The following SORBS2 variants were observed in gnomAD, a reference collection of about 807,000 sequenced individuals.
SORBS2 encodes the protein sorbin and SH3 domain-containing protein 2.
SORBS2 carries 46 observed loss-of-function variants against 97.7 expected under a neutral mutation model. The ratio of observed to expected loss-of-function variants is 0.47; its 90% CI spans 0.37 to 0.60. The LOEUF is 0.60. SORBS2 is among the 20% of genes least tolerant of loss of function. The probability of loss-of-function intolerance (pLI) is 0.00; values close to 1 mark genes in which losing one functional copy is unlikely to be tolerated. For missense variants in SORBS2, 1,316 were observed against 1,282.3 expected (o/e 1.03, Z -0.40); for synonymous variants, 476 against 473.4 (o/e 1.01, Z -0.07).
Position 185,707,843 on chromosome 4 carries a change from A to G in SORBS2, c.-197-29021T>C, listed in dbSNP as rs78470495. On this transcript the variant is annotated intron_variant, in intron 2 of 20. Coordinates refer to the SORBS2 transcript ENST00000284776. Reference sequence around the variant, plus strand: ...TATTCACTACCACAAGAACAGCACGAGAAAGACGCACCCCATGAGTCACTT... The same window carrying G: ...TATTCACTACCACAAGAACAGCACGGGAAAGACGCACCCCATGAGTCACTT... Among the ~76,000 whole-genome samples, 744 of 152,280 alleles carry G rather than the reference A, an allele frequency of 4.9e-3. 25 individuals carry two copies. Among genetic ancestry groups the G allele is most frequent in the East Asian group, 0.047 (241 of 5,168 alleles).
chr4:185,739,701 T>C lies in SORBS2; in HGVS notation c.-198+35526A>G, dbSNP rs1413712521. Among the ~76,000 whole-genome samples the C allele has an allele frequency of 5.3e-5, 8 of 152,304 alleles. No individual in the cohort carries two copies. In the South Asian group the frequency reaches 1.5e-3, roughly 28 times the overall value. The stretch of plus-strand genomic sequence containing the variant: ...TCTAAAAATGCAGGTTTACTTTATA[T>C]GGAGAGCACATTGCTATGAGGAGAT... On this transcript the variant is annotated intron_variant, in intron 2 of 20. Transcript: ENST00000284776.
At chr4:185,856,217 T>A (rs1255107236) in intron 1 of SORBS2, among the ~76,000 whole-genome samples, 4 of 152,150 alleles carry the variant, frequency 2.6e-5, no homozygotes, top group Non-Finnish European at 5.9e-5. Flanking sequence ...AGTAGAAAGA[T>A]CATGGGTTTC....
chr4:185,587,067 T>C (rs1561239680), exon 15 of SORBS2: 2 of 153,200 alleles, frequency 1.3e-5, no homozygotes, highest in South Asian at 2.1e-4. Context: ...TCACTGTGCA[T>C]ATTACAACAT....
intron 1 of SORBS2, among the ~76,000 whole-genome samples, chr4:185,953,238 C>G (rs1170804083): frequency 6.6e-6 from 1 of 152,214 alleles, no homozygotes; most frequent in African/African-American, 2.4e-5. Context: ...TGCTTGAACC[C>G]GGGAGGTGGA....
chr4:185,802,881 G>T (rs1233461001), intron 1 of SORBS2, among the ~76,000 whole-genome samples: 1 of 152,138 alleles, frequency 6.6e-6, no homozygotes, highest in Admixed American at 6.5e-5. Context: ...TCAACAAGAG[G>T]CCATTCTGTT....
chr4:185,598,706 C>A (rs528053718), intron 12 of SORBS2, among the ~76,000 whole-genome samples: 8 of 152,020 alleles, frequency 5.3e-5, no homozygotes, highest in Non-Finnish European at 8.8e-5. Context: ...CACCAGAATT[C>A]GATGAAATTC....
chr4:185,805,730 G>T (rs1419467346), intron 1 of SORBS2, among the ~76,000 whole-genome samples: 1 of 152,096 alleles, frequency 6.6e-6, no homozygotes, highest in Non-Finnish European at 1.5e-5. Context: ...TAAAAATTTT[G>T]AAACCTAGAT....
At chr4:185,816,745 T>C (rs2099193472) in intron 1 of SORBS2, among the ~76,000 whole-genome samples, 1 of 152,098 alleles carries the variant, frequency 6.6e-6, no homozygotes, top group African/African-American at 2.4e-5. Context: ...CCCAGCAGAG[T>C]TGAGGGTTTT....
intron 1 of SORBS2, among the ~76,000 whole-genome samples, chr4:185,940,262 A>G (rs771400845): frequency 6.6e-6 from 1 of 152,218 alleles, no homozygotes; most frequent in Non-Finnish European, 1.5e-5. Context: ...CCAAACTAGT[A>G]TGGTCAACAG....
chr4:185,630,638 G>T, intron 4 of SORBS2, 40 bp from the exon 17 acceptor site: 2 of 1,342,164 alleles, frequency 1.5e-6, no homozygotes, highest in Non-Finnish European at 2.1e-6. Context: ...AAATTTTACC[G>T]TGGCAAAATT....
At chr4:185,781,126 C>T (rs553170602) in intron 1 of SORBS2, among the ~76,000 whole-genome samples, 1 of 152,022 alleles carries the variant, frequency 6.6e-6, no homozygotes, top group Non-Finnish European at 1.5e-5. Flanking sequence ...TTAGTAGAGA[C>T]GGGTTTCACC....
At position 185,654,209 on chromosome 4, in the gene SORBS2, C is replaced by T. The variant is rs139558219; in HGVS notation, c.25-1481G>A. Among the ~76,000 whole-genome samples the T allele has an allele frequency of 2.2e-3, 330 of 152,204 alleles. 4 individuals are homozygous for T. Among genetic ancestry groups the T allele is most frequent in the African/African-American group, 7.6e-3 (315 of 41,500 alleles). On this transcript the variant is annotated intron_variant, in intron 1 of 14. Coordinates refer to ENST00000418609, the Ensembl canonical transcript of SORBS2. ...ATTGATTGACTATTCAGTCAAAGGA[C>T]GGGACATGGTGGAAGGGATTGCAGT...
intron 4 of SORBS2, among the ~76,000 whole-genome samples, chr4:185,641,546 A>ATG (rs1381282684): frequency 6.6e-6 from 1 of 150,682 alleles, no homozygotes; most frequent in African/African-American, 2.5e-5. Flanking sequence ...CAACAGATGG[A>ATG]TATACACACA....
rs1411156727 is a variant in SORBS2, at chr4:185,627,566, A to G, written c.447-547T>C. Reference sequence around the variant, plus strand: ...TTAGGCTTACAGAAATAATGACTGGAAAGTGTAGAGAGTTTCCTTATAGTC... The same window carrying G: ...TTAGGCTTACAGAAATAATGACTGGGAAGTGTAGAGAGTTTCCTTATAGTC... On this transcript the variant is annotated intron_variant, in intron 5 of 14. Coordinates refer to ENST00000418609, the Ensembl canonical transcript of SORBS2. Among the ~76,000 whole-genome samples, 5 of 152,172 alleles carry G rather than the reference A, an allele frequency of 3.3e-5. No individual in the cohort carries two copies. In the East Asian group the frequency reaches 7.7e-4, roughly 23 times the overall value.
intron 1 of SORBS2, among the ~76,000 whole-genome samples, chr4:185,941,878 G>A (rs1191135618): frequency 6.6e-6 from 1 of 152,130 alleles, no homozygotes; most frequent in Non-Finnish European, 1.5e-5. Flanking sequence ...TACTTTGGGA[G>A]GCCAAGGTGG....
intron 4 of SORBS2, chr4:185,645,938 G>A (rs950073670): frequency 6.6e-6 from 1 of 152,150 alleles, no homozygotes; most frequent in African/African-American, 2.4e-5. Context: ...CTTCGAGGAG[G>A]CAAGTGGTTC....
At chr4:185,694,706 C>CTTTTTTTTTT (rs1200094039) in intron 2 of SORBS2, among the ~76,000 whole-genome samples, 1,244 of 123,832 alleles carry the variant, frequency 0.01, 124 homozygotes, top group East Asian at 0.015. Flanking sequence ...CCTTTTCTTT[C>CTTTTTTTTTT]TTTTCTTTTC....
At chr4:185,949,723 G>T (rs935749821) in intron 1 of SORBS2, among the ~76,000 whole-genome samples, 1 of 152,134 alleles carries the variant, frequency 6.6e-6, no homozygotes, top group Non-Finnish European at 1.5e-5. Context: ...CAGTTGTCTG[G>T]TGAGAGATGC....
At position 185,607,874 on chromosome 4, in the gene SORBS2, A is replaced by G. The variant is rs1230495636; in HGVS notation, c.2796+3906T>C. Among the ~76,000 whole-genome samples, 1 of 151,940 alleles carries G rather than the reference A, an allele frequency of 6.6e-6. No individual in the cohort carries two copies. Among genetic ancestry groups the G allele is most frequent in the African/African-American group, 2.4e-5 (1 of 41,362 alleles). Reference sequence around the variant, plus strand: ...CAGTACAGCTAATTTTTATATTTTTAGTAGAGACGGGTTTCACCATGTTGG... The same window carrying G: ...CAGTACAGCTAATTTTTATATTTTTGGTAGAGACGGGTTTCACCATGTTGG... On this transcript the variant is annotated intron_variant, in intron 12 of 14. Coordinates refer to ENST00000418609, the Ensembl canonical transcript of SORBS2. The surrounding 1 kb of genome is among the most constrained non-coding windows in gnomAD (Gnocchi z 5.2).
Sources: allele counts gnomAD v4.1 joint callset (sites outside exome capture counted in the v4.1 genomes callset), GRCh38; gene constraint gnomAD v4.1.1; non-coding constraint Gnocchi (gnomAD v3.1); transcripts MANE v1.5; gene names NCBI Gene and HGNC (gene_info 2026-07-23, HGNC 2026-07-21).